The following RTN4R variants were observed in gnomAD, a reference collection of about 807,000 sequenced individuals.
The protein encoded by RTN4R is reticulon 4 receptor.
A neutral mutation model predicts 27.7 loss-of-function variants in RTN4R; 4 were observed. The ratio of observed to expected loss-of-function variants is 0.14; its 90% CI spans 0.07 to 0.33. The LOEUF is 0.33. RTN4R is among the 10% of genes least tolerant of loss of function. The pLI is 1.00. For synonymous variants in RTN4R, 290 were observed against 305.6 expected, an observed-to-expected ratio of 0.95 and a Z score of 0.53; for missense variants, 554 against 671.5, an observed-to-expected ratio of 0.83 and a Z score of 1.93.
At chr22:20,243,398 G>A (rs775044285) in intron 1 of RTN4R, 15 of 669,730 alleles carry the variant, frequency 2.2e-5, no homozygotes, top group South Asian at 2.1e-4. Context: ...GTCACCAGGG[G>A]CACTCACTTG....
intron 1 of RTN4R, among the ~76,000 whole-genome samples, chr22:20,253,731 TG>T (rs2145979576): frequency 6.6e-6 from 1 of 152,222 alleles, no homozygotes; most frequent in Non-Finnish European, 1.5e-5. Flanking sequence ...ACATCTAATT[TG>T]TGTCTTCCTA....
At chr22:20,254,345 C>A (rs961619698) in intron 1 of RTN4R, among the ~76,000 whole-genome samples, 3 of 151,376 alleles carry the variant, frequency 2.0e-5, no homozygotes, top group African/African-American at 7.3e-5. Context: ...GGAAGGATTG[C>A]TTGAGCCCAG....
chr22:20,259,759 G>C (rs2051233994), intron 1 of RTN4R, among the ~76,000 whole-genome samples: 1 of 152,188 alleles, frequency 6.6e-6, no homozygotes, highest in African/African-American at 2.4e-5. Context: ...GGTCAATGTG[G>C]GAGGCTCAGA....
chr22:20,241,675 C>A lies in RTN4R; in HGVS notation c.*36G>T, dbSNP rs1449021685. ...GAGAGAGACCCCGTATGTACACACA[C>A]CTGGCTGCTGAGCACGCTCTTGTGT... On this transcript the variant is annotated 3_prime_UTR_variant, in exon 2 of 2. Coordinates refer to ENST00000043402, the MANE Select transcript of RTN4R (RefSeq NM_023004.6). 6.5e-7 allele frequency: 1 copy of A among 1,547,660 alleles called. No homozygotes were observed. Among genetic ancestry groups the A allele is most frequent in the Non-Finnish European group, 8.7e-7 (1 of 1,146,160 alleles).
At chr22:20,246,657 A>T (rs994112639) in intron 1 of RTN4R, among the ~76,000 whole-genome samples, 1 of 152,122 alleles carries the variant, frequency 6.6e-6, no homozygotes, top group Non-Finnish European at 1.5e-5. Flanking sequence ...CCTGGCCCCC[A>T]CTGTTCCTGG....
At chr22:20,267,565 C>A in intron 1 of RTN4R, 1 of 467,518 alleles carries the variant, frequency 2.1e-6, no homozygotes, top group Non-Finnish European at 4.4e-6. Context: ...CCCCCACGCC[C>A]TCTACTGCCG....
rs11704642 is a variant in RTN4R, at chr22:20,257,839, T to C, written c.22+10232A>G. On this transcript the variant is annotated intron_variant, in intron 1 of 1. Coordinates refer to ENST00000043402, the MANE Select transcript of RTN4R (RefSeq NM_023004.6). The stretch of plus-strand genomic sequence containing the variant: ...TTGCAGGTGGCAGGAGCCCCCTCCA[T>C]GAGCCCCCACACCCCAGGGTCCCTG... Among the ~76,000 whole-genome samples the C allele has an allele frequency of 6.5e-3, 990 of 152,208 alleles. 3 individuals are homozygous for C. Among genetic ancestry groups the C allele is most frequent in the Non-Finnish European group, 0.01 (705 of 68,004 alleles).
At chr22:20,252,005 ATCC>A (rs2051185539) in intron 1 of RTN4R, among the ~76,000 whole-genome samples, 1 of 114,088 alleles carries the variant, frequency 8.8e-6, no homozygotes, top group African/African-American at 3.3e-5. Flanking sequence ...CACCATCCTC[ATCC>A]TCATCACCAT....
intron 1 of RTN4R, chr22:20,249,045 C>T (rs1227040839): frequency 2.0e-6 from 1 of 506,148 alleles, no homozygotes; most frequent in East Asian, 5.6e-5. Flanking sequence ...CCAGTGCCCC[C>T]TTGCCCCACA....
At chr22:20,247,394 A>G (rs1342911781) in intron 1 of RTN4R, among the ~76,000 whole-genome samples, 4 of 151,820 alleles carry the variant, frequency 2.6e-5, no homozygotes, top group Non-Finnish European at 5.9e-5. Context: ...GGCCTATGTC[A>G]TCCCCACACC....
chr22:20,245,352 G>A (rs2051134390), intron 1 of RTN4R, among the ~76,000 whole-genome samples: 1 of 152,224 alleles, frequency 6.6e-6, no homozygotes, highest in Non-Finnish European at 1.5e-5. Flanking sequence ...CCCCCTTGGG[G>A]CCTGCCCGCT....
intron 1 of RTN4R, 121 bp from the exon 2 acceptor site, chr22:20,243,231 A>T (rs2051120211): frequency 1.1e-6 from 1 of 943,806 alleles, no homozygotes; most frequent in Admixed American, 2.2e-5. Flanking sequence ...GCTGGGTCCA[A>T]GATGTGGCCA....
Position 20,255,642 on chromosome 22 carries a change from AC to A in RTN4R, c.22+12428del, listed in dbSNP as rs2051207596. Among the ~76,000 whole-genome samples, 1 of 139,614 alleles carries A rather than the reference AC, an allele frequency of 7.2e-6. No homozygotes were observed. Among genetic ancestry groups the A allele is most frequent in the Non-Finnish European group, 1.6e-5 (1 of 64,176 alleles). 91.6% of individuals were successfully genotyped at this position (139,614 alleles called of 152,430 possible). A position where few individuals can be genotyped will look rare whatever the true frequency, so the allele number is the denominator to read the frequency against. On this transcript the variant is annotated intron_variant, in intron 1 of 1. Transcript: ENST00000043402. The surrounding 1 kb of genome is among the most constrained non-coding windows in gnomAD (Gnocchi z 4.8). Reference sequence around the variant, plus strand: ...CCAGCCTCAGAGTTCCTGCCTGCCCACCCAGCCCAGCCCTCACACTGTGATG... The same window carrying A: ...CCAGCCTCAGAGTTCCTGCCTGCCCACCAGCCCAGCCCTCACACTGTGATG...
In RTN4R at chr22:20,241,832, G is replaced by T; in HGVS notation, c.1301C>A (p.Ala434Glu). Residue 434 changes from alanine to glutamate, a missense_variant, in exon 2 of 2, where the codon GCA (alanine) becomes GAA (glutamate). Physicochemically the swap from Ala to Glu is moderately radical, Grantham distance 107 (BLOSUM62 -1). Around this residue, in one of 2 missense-constraint regions of RTN4R, gnomAD observed 141 missense variants for 129.2 expected, o/e 1.09. Coordinates refer to ENST00000043402, the MANE Select transcript of RTN4R (RefSeq NM_023004.6). ...ACCAGTCCCGCCACCCCCGCTGCCT[G>T]CCTGGCCCAGACGGCAGTGGCTGCG... is the stretch of plus-strand genomic sequence containing the variant. ...RTRSHCRLGQ[A>E]GSGGGGTGDS... 6.2e-7 allele frequency: 1 copy of T among 1,603,640 alleles called. No individual in the cohort carries two copies. Among genetic ancestry groups the T allele is most frequent in the Non-Finnish European group, 8.5e-7 (1 of 1,175,810 alleles).
chr22:20,252,059 T>G (rs2051186554), intron 1 of RTN4R, among the ~76,000 whole-genome samples: 1 of 130,034 alleles, frequency 7.7e-6, no homozygotes. Flanking sequence ...ACAATCACTA[T>G]CATCACCATC....
chr22:20,253,005 T>G (rs1013225375), intron 1 of RTN4R, among the ~76,000 whole-genome samples: 6 of 152,156 alleles, frequency 3.9e-5, no homozygotes, highest in African/African-American at 7.2e-5. Flanking sequence ...TCGTCTCAGG[T>G]GAGGAGTCCA....
intron 1 of RTN4R, among the ~76,000 whole-genome samples, chr22:20,264,002 C>G: frequency 1.2e-5 from 1 of 80,152 alleles, no homozygotes; most frequent in Admixed American, 1.5e-4. Context: ...ACCTACCCGG[C>G]CAGCCCACGG....
chr22:20,243,061 T>G lies in RTN4R; in HGVS notation c.72A>C (p.Ala24=), dbSNP rs1363722745. ...WVLWLQAWQV[A]APCPGACVCY... ...ATACGCAGGCACCTGGGCATGGGGC[T>G]GCCACCTGCCAGGCCTGCAGCCACA... The change falls in exon 2 of 2, where the codon GCA becomes GCC. Residue 24 remains alanine, a synonymous_variant. Transcript: ENST00000043402. 6.2e-7 allele frequency: 1 copy of G among 1,600,868 alleles called. No individual in the cohort carries two copies. Among genetic ancestry groups the G allele is most frequent in the Non-Finnish European group, 8.5e-7 (1 of 1,179,842 alleles).
At chr22:20,248,996 G>A (rs1006249468) in intron 1 of RTN4R, 24 of 422,422 alleles carry the variant, frequency 5.7e-5, no homozygotes, top group Non-Finnish European at 3.0e-5. Flanking sequence ...GCCCCTGGAG[G>A]CTCTGCCCAG....
Sources: allele counts gnomAD v4.1 joint callset (sites outside exome capture counted in the v4.1 genomes callset), GRCh38; gene constraint gnomAD v4.1.1; regional missense constraint gnomAD v4.1.1; non-coding constraint Gnocchi (gnomAD v3.1); transcripts MANE v1.5; gene names NCBI Gene and HGNC (gene_info 2026-07-23, HGNC 2026-07-21).